Variants in COA1 observed in about 807,000 individuals in gnomAD.
The protein encoded by COA1 is cytochrome c oxidase assembly factor 1 homolog.
COA1 carries 13 observed loss-of-function variants against 16.0 expected under a neutral mutation model. The observed-to-expected ratio is 0.81, with a 90% CI of 0.53 to 1.29. The LOEUF is 1.29. COA1 is among the 50% of genes most tolerant of loss of function. The pLI is 0.00. For synonymous variants in COA1, 65 were observed against 65.7 expected, an observed-to-expected ratio of 0.99 and a Z score of 0.05; for missense variants, 179 against 177.0, an observed-to-expected ratio of 1.01 and a Z score of -0.06.
At chr7:43,635,891 A>G (rs1412419264), downstream of COA1, among the ~76,000 whole-genome samples, 1 of 152,004 alleles carries the variant, frequency 6.6e-6, no homozygotes, top group Non-Finnish European at 1.5e-5. Context: ...TAAGTGTTAC[A>G]TGTTTTAGGT....
intron 1 of COA1, among the ~76,000 whole-genome samples, chr7:43,696,135 G>C (rs1173322231): frequency 6.6e-6 from 1 of 152,100 alleles, no homozygotes; most frequent in Non-Finnish European, 1.5e-5. Context: ...CACCGCACCC[G>C]GCCAGAAACT....
chr7:43,644,748 A>AGATAGATAGATT, intron 4 of COA1, among the ~76,000 whole-genome samples: 1 of 90,352 alleles, frequency 1.1e-5, no homozygotes, highest in African/African-American at 3.9e-5. Context: ...ATAGATAGAT[A>AGATAGATAGATT]GATAGATAGA....
At chr7:43,716,214 G>C (rs1297989596) in intron 1 of COA1, among the ~76,000 whole-genome samples, 1 of 152,180 alleles carries the variant, frequency 6.6e-6, no homozygotes, top group Non-Finnish European at 1.5e-5. Context: ...GTAACAAGCA[G>C]AGGTTGGAAC....
chr7:43,679,838 T>G (rs935191954), intron 1 of COA1, among the ~76,000 whole-genome samples: 15 of 152,136 alleles, frequency 9.9e-5, no homozygotes, highest in African/African-American at 3.6e-4. Flanking sequence ...CAGATGCAGA[T>G]TCTATGTGTT....
intron 6 of COA1, among the ~76,000 whole-genome samples, chr7:43,624,254 T>C (rs548002717): frequency 6.6e-6 from 1 of 152,330 alleles, no homozygotes; most frequent in East Asian, 1.9e-4. Context: ...CTCTAGCAGA[T>C]ACTTCCCATC....
intron 1 of COA1, among the ~76,000 whole-genome samples, chr7:43,710,375 A>AAAAAATATATATAT (rs761592421): frequency 7.7e-4 from 28 of 36,428 alleles, no homozygotes; most frequent in Non-Finnish European, 1.1e-3. Flanking sequence ...AAAAAAAAAA[A>AAAAAATATATATAT]ATATATATAT....
chr7:43,667,620 A>G (rs2092969625), intron 1 of COA1, among the ~76,000 whole-genome samples: 1 of 152,232 alleles, frequency 6.6e-6, no homozygotes, highest in Non-Finnish European at 1.5e-5. Flanking sequence ...ATCAAGCCAT[A>G]TTAAGAACTT....
chr7:43,622,409 C>A (rs1215286522), intron 6 of COA1: 1 of 152,002 alleles, frequency 6.6e-6, no homozygotes, highest in South Asian at 2.1e-4. Context: ...TTGAGTATTT[C>A]GTTTTTTCAT....
chr7:43,669,398 T>C (rs533202635), intron 1 of COA1, among the ~76,000 whole-genome samples: 8 of 152,174 alleles, frequency 5.3e-5, no homozygotes, highest in African/African-American at 1.9e-4. Context: ...CACCCAAACA[T>C]GGTGATTCCT....
intron 1 of COA1, among the ~76,000 whole-genome samples, chr7:43,695,244 G>T (rs1274431647): frequency 6.6e-6 from 1 of 151,126 alleles, no homozygotes; most frequent in Non-Finnish European, 1.5e-5. Flanking sequence ...TCAAATTTCA[G>T]ATGGAATCAC....
chr7:43,684,181 GATC>G (rs1469741227), intron 1 of COA1, among the ~76,000 whole-genome samples: 1 of 152,094 alleles, frequency 6.6e-6, no homozygotes, highest in Non-Finnish European at 1.5e-5. Context: ...TTCCACCTCA[GATC>G]ATCAGGCATT....
At chr7:43,702,641 T>G (rs1288295140) in intron 1 of COA1, among the ~76,000 whole-genome samples, 1 of 152,166 alleles carries the variant, frequency 6.6e-6, no homozygotes, top group East Asian at 1.9e-4. Context: ...GTTTTCTAGT[T>G]TCTCTACATA....
At chr7:43,694,943 G>A (rs542406531) in intron 1 of COA1, among the ~76,000 whole-genome samples, 2 of 152,138 alleles carry the variant, frequency 1.3e-5, no homozygotes, top group Non-Finnish European at 2.9e-5. Context: ...TTCAATGAAT[G>A]GCAACTCCAG....
intron 1 of COA1, among the ~76,000 whole-genome samples, chr7:43,670,883 T>C (rs1199894215): frequency 6.6e-6 from 1 of 152,236 alleles, no homozygotes; most frequent in Non-Finnish European, 1.5e-5. Context: ...ATGTGTTTCA[T>C]AATCATTTCT....
chr7:43,619,841 T>C (rs2083697314), intron 6 of COA1: 1 of 1,307,042 alleles, frequency 7.7e-7, no homozygotes, highest in African/African-American at 1.5e-5. Flanking sequence ...AATTCTACCA[T>C]CAGAGATCTA....
At chr7:43,668,300 C>A (rs1005586810) in intron 1 of COA1, among the ~76,000 whole-genome samples, 1 of 152,152 alleles carries the variant, frequency 6.6e-6, no homozygotes, top group African/African-American at 2.4e-5. Flanking sequence ...GGATACAAAC[C>A]CATGTGGATG....
chr7:43,663,708 C>G (rs538299434), intron 1 of COA1, among the ~76,000 whole-genome samples: 208 of 146,830 alleles, frequency 1.4e-3, no homozygotes, highest in African/African-American at 5.0e-3. Context: ...AAAAAAAAAC[C>G]TAAAACCCAC....
intron 4 of COA1, chr7:43,640,935 A>T (rs1157922796): frequency 3.2e-6 from 1 of 312,692 alleles, no homozygotes; most frequent in Non-Finnish European, 5.8e-6. Flanking sequence ...GTCCACTGTT[A>T]AAAAGGAGCA....
intron 4 of COA1, among the ~76,000 whole-genome samples, chr7:43,644,783 C>G (rs1164344315): frequency 2.0e-3 from 123 of 62,312 alleles, no homozygotes; most frequent in African/African-American, 5.5e-3. Context: ...GGCAGGCAGG[C>G]AGGCAGGCAG....
Sources: allele counts gnomAD v4.1 joint callset (sites outside exome capture counted in the v4.1 genomes callset), GRCh38; gene constraint gnomAD v4.1.1; transcripts MANE v1.5; gene names NCBI Gene and HGNC (gene_info 2026-07-23, HGNC 2026-07-21).